The following UTP4 variants were observed in gnomAD, a reference collection of about 807,000 sequenced individuals.
The protein encoded by UTP4 is UTP4 small subunit processome component, also known as U3 small nucleolar RNA-associated protein 4 homolog.
Under a neutral mutation model 82.4 loss-of-function variants are expected in UTP4, and 45 were observed. The ratio of observed to expected loss-of-function variants is 0.55; its 90% confidence interval spans 0.43 to 0.70. The LOEUF (loss-of-function observed/expected upper bound fraction) is 0.70, where lower values mean the gene tolerates loss of function less well. Among genes scored for constraint, UTP4 ranks in the 30% least tolerant of loss-of-function variants. The pLI is 0.00. For synonymous variants in UTP4, 348 were observed against 300.3 expected, an observed-to-expected ratio of 1.16 and a Z score of -1.64; for missense variants, 819 against 858.3, an observed-to-expected ratio of 0.95 and a Z score of 0.57.
Position 69,136,699 on chromosome 16 carries a change from T to C in UTP4, c.163T>C (p.Phe55Leu). ...LSANYFQEKF[F>L]PGHESRATEA... ...AGAAGTTATGGTGTTTCTGCAGTTT[T>C]TCCCAGGTCATGAGTCTCGGGCTAC... Residue 55 changes from phenylalanine to leucine, a missense_variant, in exon 3 of 17, where the codon TTC (phenylalanine) becomes CTC (leucine). By Grantham distance (22) the Phe-to-Leu change is conservative. Transcript: ENST00000314423. 2 of 1,613,982 alleles carry C rather than the reference T, an allele frequency of 1.2e-6. No homozygotes were observed. The highest frequency in any genetic ancestry group is 8.5e-7 in the Non-Finnish European group (1 of 1,179,872).
chr16:69,159,060 T>TA lies in UTP4; in HGVS notation c.1445-1296_1445-1295insA, dbSNP rs201290540. Among the ~76,000 whole-genome samples, 1,169 of 152,220 alleles carry TA rather than the reference T, an allele frequency of 7.7e-3. 23 individuals are homozygous for TA. Among genetic ancestry groups the TA allele is most frequent in the African/African-American group, 0.027 (1,119 of 41,532 alleles). ...TTGCTGTTTGTCCGTAACTTTTTTT[T>TA]TTATTATTAATTTATTTATTTTTGA... On this transcript the variant is annotated intron_variant, in intron 12 of 16. Transcript: ENST00000314423.
intron 4 of UTP4, among the ~76,000 whole-genome samples, chr16:69,138,177 A>G (rs1347521673): frequency 6.6e-6 from 1 of 151,994 alleles, no homozygotes; most frequent in African/African-American, 2.4e-5. Context: ...TGTTTTAACA[A>G]GCGTACATGA....
chr16:69,166,820 C>T (rs1443437453), intron 15 of UTP4: 1 of 511,340 alleles, frequency 2.0e-6, no homozygotes, highest in Non-Finnish European at 3.5e-6. Context: ...ATACACCCAC[C>T]CTCTACAGTG....
intron 2 of UTP4, among the ~76,000 whole-genome samples, chr16:69,136,383 A>C (rs1459008715): frequency 1.3e-5 from 2 of 152,200 alleles, no homozygotes; most frequent in Non-Finnish European, 2.9e-5. Flanking sequence ...GTGTGCCACC[A>C]CACCCGGCTA....
chr16:69,163,725 T>C (rs1567382077), intron 14 of UTP4, among the ~76,000 whole-genome samples: 1 of 151,800 alleles, frequency 6.6e-6, no homozygotes, highest in Non-Finnish European at 1.5e-5. Flanking sequence ...ATTAGGAAGT[T>C]ATCAATAATT....
At chr16:69,161,387 A>G (rs1480141698) in intron 13 of UTP4, among the ~76,000 whole-genome samples, 1 of 152,256 alleles carries the variant, frequency 6.6e-6, no homozygotes, top group Admixed American at 6.5e-5. Context: ...TTAACTGCAT[A>G]GTGTAACCTT....
Position 69,163,122 on chromosome 16 carries a change from G to A in UTP4, c.1591G>A (p.Ala531Thr), listed in dbSNP as rs1963605707. The A allele has an allele frequency of 5.6e-6, 9 of 1,614,118 alleles. No homozygotes were observed. Among genetic ancestry groups the A allele is most frequent in the Non-Finnish European group, 7.6e-6 (9 of 1,180,012 alleles). ...TVPAYNFPVT[A>T]MAIAPNTNNL... is the part of the protein sequence containing the mutation. ...GCCTGCTTACAATTTCCCAGTGACTGCTATGGCTATTGCCCCCAATACCAA... is the reference window on the plus strand; with the variant it reads ...GCCTGCTTACAATTTCCCAGTGACTACTATGGCTATTGCCCCCAATACCAA... The change falls in exon 14 of 17, where the codon GCT becomes ACT. Residue 531 changes from alanine (A) to threonine (T), a missense_variant. Ala to Thr is a moderately conservative substitution (Grantham distance 58). Coordinates refer to ENST00000314423, the MANE Select transcript of UTP4 (RefSeq NM_032830.3).
intron 11 of UTP4, among the ~76,000 whole-genome samples, 163 bp from the exon 12 acceptor site, chr16:69,156,921 G>A (rs1373433627): frequency 6.6e-6 from 1 of 152,254 alleles, no homozygotes; most frequent in Non-Finnish European, 1.5e-5. Flanking sequence ...GAGATGAAAG[G>A]GGGATGTATA....
At chr16:69,149,327 CT>C (rs1303821861) in intron 6 of UTP4, among the ~76,000 whole-genome samples, 1 of 152,072 alleles carries the variant, frequency 6.6e-6, no homozygotes, top group Admixed American at 6.6e-5. Context: ...TTGTGGTGAG[CT>C]GAGATCGCGC....
At chr16:69,136,911 T>A (rs774183336) in intron 3 of UTP4, 24 bp downstream of exon 3, 4 of 1,607,968 alleles carry the variant, frequency 2.5e-6, no homozygotes, top group Non-Finnish European at 3.4e-6. Flanking sequence ...TATTGGTAAT[T>A]CAAACCAAAA....
intron 5 of UTP4, among the ~76,000 whole-genome samples, 158 bp from the exon 6 acceptor site, chr16:69,143,020 G>A (rs1426229985): frequency 2.0e-5 from 3 of 152,160 alleles, no homozygotes; most frequent in Admixed American, 6.5e-5. Context: ...TACCGCAGGC[G>A]GGTTTGTTAT....
chr16:69,158,189 T>TTTTTTTTTG (rs1963472908), intron 12 of UTP4, among the ~76,000 whole-genome samples: 1 of 140,346 alleles, frequency 7.1e-6, no homozygotes, highest in Non-Finnish European at 1.5e-5. Flanking sequence ...TTTTTTTTTT[T>TTTTTTTTTG]TTGAGATGGC....
In UTP4 at chr16:69,136,819, T is replaced by C. The variant is rs758711327; in HGVS notation, c.283T>C (p.Tyr95His). 1.2e-6 allele frequency: 2 copies of C among 1,614,190 alleles called. No homozygotes were observed. Among genetic ancestry groups the C allele is most frequent in the Admixed American group, 3.3e-5 (2 of 60,016 alleles). ...TGATTTACAGGCGTTAAACATCAAG[T>C]ATGCTATGGATGCCTTTGGAGGACC... Reference protein sequence around the residue: ...EYDLQALNIKYAMDAFGGPIW... With the variant: ...EYDLQALNIKHAMDAFGGPIW... Residue 95 changes from tyrosine to histidine, a missense_variant, in exon 3 of 17, where the codon TAT becomes CAT. Transcript: ENST00000314423.
In UTP4 at chr16:69,139,932, T is replaced by A. The variant is rs1462765926; in HGVS notation, c.526+18T>A. 7 of 1,566,328 alleles carry A rather than the reference T, an allele frequency of 4.5e-6. No homozygotes were observed. The East Asian group carries it at 1.6e-4, about 35-fold the overall frequency. ...CAAATCAGGTGATTGTTTTTTTCAG[T>A]TCATTTGGGGTGTGGGTTTTGTCAG... On this transcript the variant is annotated intron_variant, in intron 5 of 16. Coordinates refer to ENST00000314423, the MANE Select transcript of UTP4 (RefSeq NM_032830.3).
intron 5 of UTP4, among the ~76,000 whole-genome samples, chr16:69,141,628 G>T (rs1455783734): frequency 6.6e-6 from 1 of 151,872 alleles, no homozygotes; most frequent in African/African-American, 2.4e-5. Flanking sequence ...CTTCAGTTCT[G>T]GGGGGAAATT....
Position 69,160,335 on chromosome 16 carries a change from G to A in UTP4, c.1445-21G>A, listed in dbSNP as rs780842794. On this transcript the variant is annotated intron_variant, in intron 12 of 16. Coordinates refer to ENST00000314423, the MANE Select transcript of UTP4 (RefSeq NM_032830.3). ...GTGGACACTGTGTGAATTCAGAGAT[G>A]TAACTGTTTTGTCCTCACAGGAACA... The A allele has an allele frequency of 2.5e-6, 4 of 1,588,582 alleles. No homozygotes were observed. The African/African-American group carries it at 4.0e-5, about 16-fold the overall frequency.
intron 14 of UTP4, among the ~76,000 whole-genome samples, chr16:69,163,880 G>GTTTTTTT (rs201368311): frequency 7.5e-6 from 1 of 132,636 alleles, no homozygotes; most frequent in African/African-American, 2.9e-5. Flanking sequence ...TTGATGGTCA[G>GTTTTTTT]TTTGTTTTTT....
intron 5 of UTP4, chr16:69,141,997 C>T (rs568184150): frequency 2.3e-5 from 3 of 132,628 alleles, no homozygotes; most frequent in Non-Finnish European, 4.7e-5. Context: ...CCTCCCCTCA[C>T]CCCGAAACTC....
At chr16:69,160,117 A>C (rs992810430) in intron 12 of UTP4, among the ~76,000 whole-genome samples, 2 of 152,224 alleles carry the variant, frequency 1.3e-5, no homozygotes, top group Non-Finnish European at 2.9e-5. Flanking sequence ...CTTAGGCCTG[A>C]GGAAGTAATA....
Sources: allele counts gnomAD v4.1 joint callset (sites outside exome capture counted in the v4.1 genomes callset), GRCh38; gene constraint gnomAD v4.1.1; transcripts MANE v1.5; gene names NCBI Gene and HGNC (gene_info 2026-07-23, HGNC 2026-07-21).